GRXCR1: variants seen among roughly 807,000 people sequenced by gnomAD.
The protein encoded by GRXCR1 is glutaredoxin and cysteine rich domain containing 1, also known as glutaredoxin domain-containing cysteine-rich protein 1.
In GRXCR1, 27 loss-of-function variants were observed where a neutral mutation model predicts 27.3. The ratio of observed to expected loss-of-function variants is 0.99; its 90% CI spans 0.73 to 1.37. GRXCR1 has a LOEUF of 1.37. GRXCR1 is among the 40% of genes most tolerant of loss of function. GRXCR1 has a pLI of 0.00. For missense variants in GRXCR1, 379 were observed against 354.4 expected, an observed-to-expected ratio of 1.07 and a Z score of -0.56; for synonymous variants, 122 against 131.1, an observed-to-expected ratio of 0.93 and a Z score of 0.47.
intron 2 of GRXCR1, among the ~76,000 whole-genome samples, chr4:42,987,205 T>C (rs1482504636): frequency 2.4e-5 from 1 of 42,496 alleles, no homozygotes; most frequent in African/African-American, 1.4e-4. Context: ...AGTTTTCATA[T>C]ATATATTATA....
chr4:42,912,143 T>C (rs183429380), intron 1 of GRXCR1, among the ~76,000 whole-genome samples: 91 of 152,274 alleles, frequency 6.0e-4, no homozygotes, highest in African/African-American at 1.9e-3. Context: ...TTATCCAGTG[T>C]CTTGTTTTGA....
intron 2 of GRXCR1, among the ~76,000 whole-genome samples, chr4:42,994,007 A>G (rs1248255463): frequency 6.6e-6 from 1 of 152,164 alleles, no homozygotes; most frequent in Non-Finnish European, 1.5e-5. Flanking sequence ...CTTTGAAGTA[A>G]CTTTCTTATT....
At chr4:42,937,280 TATTTTTA>T (rs1293999125) in intron 1 of GRXCR1, among the ~76,000 whole-genome samples, 1 of 106 alleles carries the variant, frequency 9.4e-3, no homozygotes, top group African/African-American at 0.013. Flanking sequence ...AGGTCTTTTT[TATTTTTA>T]TTTTTATTTT....
intron 2 of GRXCR1, among the ~76,000 whole-genome samples, chr4:43,017,403 C>T (rs1056797465): frequency 3.3e-5 from 5 of 152,100 alleles, no homozygotes; most frequent in Admixed American, 6.6e-5. Context: ...TCAACCCAAG[C>T]CTTGTACTGA....
intron 1 of GRXCR1, among the ~76,000 whole-genome samples, chr4:42,918,152 A>G (rs1001295410): frequency 1.3e-5 from 2 of 152,114 alleles, no homozygotes; most frequent in Admixed American, 1.3e-4. Flanking sequence ...GGTGTCTGGT[A>G]GTGTCTGGTA....
At chr4:42,962,768 G>GAATT in intron 1 of GRXCR1, 124 bp from the exon 2 acceptor site, 3 of 1,048,420 alleles carry the variant, frequency 2.9e-6, no homozygotes, top group Non-Finnish European at 4.4e-6. Context: ...GTAAGTCTTT[G>GAATT]AATTGACAAA....
At chr4:42,934,027 G>C (rs977626034) in intron 1 of GRXCR1, among the ~76,000 whole-genome samples, 1 of 151,838 alleles carries the variant, frequency 6.6e-6, no homozygotes, top group Admixed American at 6.6e-5. Flanking sequence ...CCATGTTCCA[G>C]ATCAAAGTTT....
In GRXCR1 at chr4:42,962,899, C is replaced by T; in HGVS notation, c.392C>T (p.Ser131Leu). 1 of 1,612,536 alleles carries T rather than the reference C, an allele frequency of 6.2e-7. No individual in the cohort carries two copies. The highest frequency in any genetic ancestry group is 8.5e-7 in the Non-Finnish European group (1 of 1,178,870). ...TCAATGTTTTCCCTTCAGCAACCATCAACTGATCTAGAATTTGACCGTGTA... is the reference window on the plus strand; with the variant it reads ...TCAATGTTTTCCCTTCAGCAACCATTAACTGATCTAGAATTTGACCGTGTA... ...NNLTKVLQQP[S>L]TDLEFDRVVI... The change falls in exon 2 of 4, where the codon TCA becomes TTA. Residue 131 changes from serine to leucine, a missense_variant. Transcript: ENST00000399770.
At chr4:42,994,770 T>C (rs1393669108) in intron 2 of GRXCR1, among the ~76,000 whole-genome samples, 2 of 152,122 alleles carry the variant, frequency 1.3e-5, no homozygotes, top group African/African-American at 2.4e-5. Flanking sequence ...TGAATAAGCA[T>C]TGGAGAAGAG....
At chr4:42,914,184 C>T (rs1347360446) in intron 1 of GRXCR1, among the ~76,000 whole-genome samples, 1 of 152,216 alleles carries the variant, frequency 6.6e-6, no homozygotes, top group African/African-American at 2.4e-5. Context: ...ATCCTCCAAT[C>T]CCTAGAGTGA....
At chr4:42,921,640 G>T (rs1747013486) in intron 1 of GRXCR1, among the ~76,000 whole-genome samples, 1 of 151,838 alleles carries the variant, frequency 6.6e-6, no homozygotes, top group Non-Finnish European at 1.5e-5. Context: ...TTTAAAAAAT[G>T]GATGGTTTTA....
chr4:42,963,088 A>C lies in GRXCR1; in HGVS notation c.581A>C (p.Glu194Ala), dbSNP rs1262941398. The change falls in exon 2 of 4, where the codon GAA becomes GCA. Residue 194 changes from glutamate (E) to alanine (A), a missense_variant. Coordinates refer to ENST00000399770, the MANE Select transcript of GRXCR1 (RefSeq NM_001080476.3). ...ELDERCRRVS[E>A]APSLPVVFID... is the part of the protein sequence containing the mutation. ...GACGAACGATGCCGACGAGTTTCTGAAGCTCCTTCCCTCCCTGTTGTGTTC... is the reference window on the plus strand; with the variant it reads ...GACGAACGATGCCGACGAGTTTCTGCAGCTCCTTCCCTCCCTGTTGTGTTC... 6.2e-7 allele frequency: 1 copy of C among 1,612,802 alleles called. No homozygotes were observed. Among genetic ancestry groups the C allele is most frequent in the Non-Finnish European group, 8.5e-7 (1 of 1,179,044 alleles).
intron 2 of GRXCR1, among the ~76,000 whole-genome samples, chr4:42,993,376 C>T (rs1163031644): frequency 3.3e-5 from 5 of 152,046 alleles, no homozygotes; most frequent in East Asian, 1.9e-4. Flanking sequence ...CTAGAATTTT[C>T]GCTTTAGCCT....
At position 42,950,729 on chromosome 4, in the gene GRXCR1, T is replaced by C. The variant is rs1440065742; in HGVS notation, c.385-12163T>C. ...CCTACAACTCTCTTGTAGGCGAGACTGTAGCTATTCCCATATTAGAGAACA... is the reference window on the plus strand; with the variant it reads ...CCTACAACTCTCTTGTAGGCGAGACCGTAGCTATTCCCATATTAGAGAACA... On this transcript the variant is annotated intron_variant, in intron 1 of 3. Transcript: ENST00000399770. Among the ~76,000 whole-genome samples the C allele has an allele frequency of 2.6e-5, 4 of 152,298 alleles. No homozygotes were observed. In the East Asian group the frequency reaches 7.7e-4, roughly 29 times the overall value.
intron 1 of GRXCR1, among the ~76,000 whole-genome samples, chr4:42,932,962 G>A (rs1747364579): frequency 1.3e-5 from 2 of 151,756 alleles, no homozygotes; most frequent in South Asian, 4.2e-4. Context: ...GTCAGTGCAG[G>A]GAATGATGAG....
At chr4:42,974,310 G>C (rs575023775) in intron 2 of GRXCR1, among the ~76,000 whole-genome samples, 1 of 152,046 alleles carries the variant, frequency 6.6e-6, no homozygotes, top group African/African-American at 2.4e-5. Context: ...TCCTTTATTA[G>C]ACCTGCTGAA....
At chr4:42,902,097 GT>G (rs1746474577) in intron 1 of GRXCR1, among the ~76,000 whole-genome samples, 1 of 152,076 alleles carries the variant, frequency 6.6e-6, no homozygotes, top group South Asian at 2.1e-4. Context: ...GAATCTAGTT[GT>G]ATCTTAGTAT....
chr4:42,914,749 A>G (rs1577903566), intron 1 of GRXCR1, among the ~76,000 whole-genome samples: 1 of 152,056 alleles, frequency 6.6e-6, no homozygotes, highest in Non-Finnish European at 1.5e-5. Context: ...AATAATCCCC[A>G]TGTGTTGTGC....
At chr4:42,986,454 C>T (rs1711726532) in intron 2 of GRXCR1, among the ~76,000 whole-genome samples, 2 of 152,120 alleles carry the variant, frequency 1.3e-5, no homozygotes, top group African/African-American at 4.8e-5. Context: ...TCATGTTTCT[C>T]ATCTGAAGTA....
Sources: allele counts gnomAD v4.1 joint callset (sites outside exome capture counted in the v4.1 genomes callset), GRCh38; gene constraint gnomAD v4.1.1; transcripts MANE v1.5; gene names NCBI Gene and HGNC (gene_info 2026-07-23, HGNC 2026-07-21).